Variants in CPEB3 observed in about 807,000 individuals in gnomAD.
CPEB3 encodes cytoplasmic polyadenylation element-binding protein 3.
A neutral mutation model predicts 67.2 loss-of-function variants in CPEB3; 20 were observed. The observed-to-expected ratio is 0.30, with a 90% CI of 0.21 to 0.43. The LOEUF (loss-of-function observed/expected upper bound fraction) is 0.43, where lower values mean the gene tolerates loss of function less well. Ranked by LOEUF, CPEB3 falls within the 20% of genes least tolerant of loss-of-function variation. The pLI, the probability that CPEB3 is intolerant of heterozygous loss-of-function variation, is 1.00. For missense variants in CPEB3, 746 were observed against 968.6 expected (o/e 0.77, Z 3.05); for synonymous variants, 376 against 393.1 (o/e 0.96, Z 0.51).
chr10:92,167,444 G>C (rs1442449820), intron 4 of CPEB3, among the ~76,000 whole-genome samples: 1 of 152,140 alleles, frequency 6.6e-6, no homozygotes, highest in Non-Finnish European at 1.5e-5. Flanking sequence ...GCCATTTTAG[G>C]ATTATTAATT....
chr10:92,149,297 T>C (rs1212320478), intron 4 of CPEB3, among the ~76,000 whole-genome samples: 1 of 152,270 alleles, frequency 6.6e-6, no homozygotes, highest in Non-Finnish European at 1.5e-5. Context: ...TTCTCTAAGA[T>C]ACCTATGACC....
intron 1 of CPEB3, among the ~76,000 whole-genome samples, chr10:92,257,728 CTT>C (rs11418720): frequency 9.9e-5 from 13 of 130,708 alleles, no homozygotes; most frequent in Admixed American, 1.6e-4. Context: ...GACCTCAACT[CTT>C]TTTTTTTTTT....
At chr10:92,116,261 A>AT (rs1299808540) in intron 6 of CPEB3, among the ~76,000 whole-genome samples, 10 of 136,774 alleles carry the variant, frequency 7.3e-5, no homozygotes, top group African/African-American at 2.3e-4. Flanking sequence ...GTAAAAAAAA[A>AT]AAAAAATAAT....
intron 1 of CPEB3, among the ~76,000 whole-genome samples, chr10:92,249,531 G>C (rs1464663856): frequency 6.6e-6 from 1 of 151,806 alleles, no homozygotes; most frequent in African/African-American, 2.4e-5. Context: ...GCCTGTAATC[G>C]CAACTACTCG....
At position 92,239,493 on chromosome 10, in the gene CPEB3, G is replaced by T; in HGVS notation, c.858C>A (p.Leu286=). The T allele has an allele frequency of 6.3e-7, 1 of 1,585,938 alleles. No individual in the cohort carries two copies. The highest frequency in any genetic ancestry group is 1.8e-5 in the Admixed American group (1 of 55,002). ...GCTTTTTGAGCGGCGAGATGGGGTT[G>T]AGCGGGGAAGGCACCCCGACACCCA... ...VGVGVGVPSP[L]NPISPLKKPF... is the part of the protein sequence containing the mutation. The change falls in exon 2 of 10, where the codon CTC becomes CTA. Residue 286 remains leucine, a synonymous_variant. Coordinates refer to ENST00000265997, the MANE Select transcript of CPEB3 (RefSeq NM_014912.5). This position sits in a 1 kb window ranked among gnomAD's most constrained non-coding sequence, Gnocchi z 6.0.
At chr10:92,091,411 T>A (rs569692165) in intron 8 of CPEB3, among the ~76,000 whole-genome samples, 1 of 151,996 alleles carries the variant, frequency 6.6e-6, no homozygotes, top group Admixed American at 6.6e-5. Context: ...CAGTCAATTA[T>A]GATTCTGCTC....
intron 7 of CPEB3, among the ~76,000 whole-genome samples, chr10:92,093,855 C>T (rs929530498): frequency 4.6e-5 from 7 of 151,402 alleles, no homozygotes; most frequent in African/African-American, 1.7e-4. Context: ...TAACTTTTTG[C>T]CTTTATTATT....
chr10:92,253,644 G>A (rs1309092790), intron 1 of CPEB3, among the ~76,000 whole-genome samples: 1 of 152,082 alleles, frequency 6.6e-6, no homozygotes, highest in East Asian at 1.9e-4. Context: ...TTGAGAGGCT[G>A]AGGTGGAATC....
Position 92,052,343 on chromosome 10 carries a change from C to T in CPEB3, c.1966G>A (p.Val656Ile), listed in dbSNP as rs767243674. ...GKFAPFFCAN[V>I]TCLQYYCEYC... ...TCACAGTAATACTGCAGACAGGTGA[C>T]GTTGGCACAGAAGAACGGGGCAAAC... Residue 656 changes from valine (V) to isoleucine (I), a missense_variant, in exon 10 of 10, where the codon GTC becomes ATC. Val to Ile is a conservative substitution (Grantham distance 29, BLOSUM62 3). Around this residue, in one of 2 missense-constraint regions of CPEB3, gnomAD observed 103 missense variants for 251.1 expected, o/e 0.41. Coordinates refer to ENST00000265997, the MANE Select transcript of CPEB3 (RefSeq NM_014912.5). The T allele has an allele frequency of 8.7e-6, 14 of 1,614,092 alleles. No individual in the cohort carries two copies. The highest frequency in any genetic ancestry group is 4.5e-5 in the East Asian group (2 of 44,892).
intron 4 of CPEB3, among the ~76,000 whole-genome samples, chr10:92,170,065 C>T (rs1249503848): frequency 2.0e-5 from 3 of 152,144 alleles, no homozygotes; most frequent in Non-Finnish European, 2.9e-5. Context: ...AAGTAAGCAC[C>T]TATTCAGAGA....
intron 6 of CPEB3, chr10:92,138,084 G>A (rs1846201960): frequency 6.4e-6 from 1 of 156,060 alleles, no homozygotes; most frequent in African/African-American, 2.4e-5. Flanking sequence ...TGGAGATATG[G>A]AACAAAAGAA....
chr10:92,060,656 C>T (rs1018410510), intron 9 of CPEB3, among the ~76,000 whole-genome samples: 2 of 152,128 alleles, frequency 1.3e-5, no homozygotes, highest in Non-Finnish European at 2.9e-5. Context: ...GGAGCTCAAA[C>T]AACTCTATAG....
At chr10:92,161,330 G>A (rs928668875) in intron 4 of CPEB3, among the ~76,000 whole-genome samples, 1 of 152,028 alleles carries the variant, frequency 6.6e-6, no homozygotes, top group African/African-American at 2.4e-5. Flanking sequence ...GGAGTGCAAT[G>A]ACATGATCTC....
chr10:92,246,751 A>ACC (rs1490166609), intron 1 of CPEB3, among the ~76,000 whole-genome samples: 1 of 151,512 alleles, frequency 6.6e-6, no homozygotes, highest in Non-Finnish European at 1.5e-5. Flanking sequence ...CTCATGATCC[A>ACC]CCCGCCTCGG....
intron 3 of CPEB3, among the ~76,000 whole-genome samples, chr10:92,189,682 TAG>T (rs1848864155): frequency 2.0e-5 from 3 of 149,458 alleles, no homozygotes; most frequent in African/African-American, 7.4e-5. Flanking sequence ...TACCTCTAGG[TAG>T]AGAGTCTCTA....
chr10:92,228,918 T>A (rs1289720604), intron 2 of CPEB3, among the ~76,000 whole-genome samples: 1 of 151,996 alleles, frequency 6.6e-6, no homozygotes, highest in East Asian at 1.9e-4. Flanking sequence ...TTCATCATGT[T>A]GGTCAGGCTG....
intron 9 of CPEB3, among the ~76,000 whole-genome samples, chr10:92,070,260 G>T (rs117886147): frequency 6.6e-6 from 1 of 152,268 alleles, no homozygotes; most frequent in East Asian, 1.9e-4. Flanking sequence ...GTATATGAAA[G>T]ATTATAATAT....
chr10:92,288,799 T>C (rs1842655703), intron 1 of CPEB3, among the ~76,000 whole-genome samples: 1 of 152,254 alleles, frequency 6.6e-6, no homozygotes, highest in Non-Finnish European at 1.5e-5. Context: ...TTGGAGTTTG[T>C]ACTAGTGTAC....
intron 2 of CPEB3, among the ~76,000 whole-genome samples, chr10:92,208,597 TTC>T (rs1849908738): frequency 6.7e-6 from 1 of 149,050 alleles, no homozygotes; most frequent in African/African-American, 2.6e-5. Context: ...TTTTTTTTCT[TTC>T]TTTTTTTTTT....
Sources: allele counts gnomAD v4.1 joint callset (sites outside exome capture counted in the v4.1 genomes callset), GRCh38; gene constraint gnomAD v4.1.1; regional missense constraint gnomAD v4.1.1; non-coding constraint Gnocchi (gnomAD v3.1); transcripts MANE v1.5; gene names NCBI Gene and HGNC (gene_info 2026-07-23, HGNC 2026-07-21).